The following MAP3K4 variants were observed in gnomAD, a reference collection of about 807,000 sequenced individuals.
MAP3K4 encodes MAP three kinase 1.
Under a neutral mutation model 185.6 loss-of-function variants are expected in MAP3K4, and 67 were observed. The observed-to-expected ratio is 0.36, with a 90% CI of 0.30 to 0.44. The LOEUF (loss-of-function observed/expected upper bound fraction) is 0.44, where lower values mean the gene tolerates loss of function less well. Ranked by LOEUF, MAP3K4 falls within the 20% of genes least tolerant of loss-of-function variation. The pLI, the probability that MAP3K4 is intolerant of heterozygous loss-of-function variation, is 1.00. For synonymous variants in MAP3K4, 702 were observed against 710.4 expected, an observed-to-expected ratio of 0.99 and a Z score of 0.19; for missense variants, 1,551 against 1,995.1, an observed-to-expected ratio of 0.78 and a Z score of 4.24.
At chr6:161,031,220 G>A (rs1028266944) in intron 1 of MAP3K4, among the ~76,000 whole-genome samples, 18 of 152,106 alleles carry the variant, frequency 1.2e-4, no homozygotes, top group South Asian at 2.1e-4. Flanking sequence ...AATGCAGATC[G>A]GAAAACAAGG....
chr6:160,993,261 C>T (rs1400703172), intron 1 of MAP3K4, among the ~76,000 whole-genome samples: 1 of 151,832 alleles, frequency 6.6e-6, no homozygotes, highest in African/African-American at 2.4e-5. Flanking sequence ...AATGAGAATT[C>T]CTTTGGTTCC....
At chr6:161,028,292 CTAAAT>C (rs75964506) in intron 1 of MAP3K4, among the ~76,000 whole-genome samples, 10,660 of 152,160 alleles carry the variant, frequency 0.07, 603 homozygotes, top group East Asian at 0.34. Context: ...GATAAGACTT[CTAAAT>C]TAAAGTGTTT....
At position 161,107,505 on chromosome 6, in the gene MAP3K4, C is replaced by T. The variant is rs1343466615; in HGVS notation, c.4049-394C>T. The stretch of plus-strand genomic sequence containing the variant: ...CTCCCACACACTCCTGGACATGTGC[C>T]AGTGAGGAAGACAATGGTCAGGCTT... On this transcript the variant is annotated intron_variant, in intron 20 of 26. Transcript: ENST00000392142. The surrounding 1 kb of genome is among the most constrained non-coding windows in gnomAD (Gnocchi z 6.2). 6.6e-6 allele frequency among the ~76,000 whole-genome samples: 1 copy of T among 152,146 alleles called. No individual in the cohort carries two copies. Among genetic ancestry groups the T allele is most frequent in the Non-Finnish European group, 1.5e-5 (1 of 68,026 alleles).
intron 1 of MAP3K4, among the ~76,000 whole-genome samples, chr6:161,018,375 G>T (rs682110): frequency 0.093 from 14,095 of 152,232 alleles, 834 homozygotes; most frequent in Non-Finnish European, 0.13. Flanking sequence ...GCCCACACAG[G>T]GCTGGGAGGC....
At chr6:161,085,007 C>G (rs1035234715) in intron 7 of MAP3K4, among the ~76,000 whole-genome samples, 2 of 152,004 alleles carry the variant, frequency 1.3e-5, no homozygotes, top group Admixed American at 1.3e-4. Flanking sequence ...AACAGCTGGG[C>G]GTGGTGGCAC....
chr6:161,079,040 C>A (rs1785314481), intron 5 of MAP3K4, among the ~76,000 whole-genome samples: 1 of 151,538 alleles, frequency 6.6e-6, no homozygotes, highest in South Asian at 2.1e-4. Flanking sequence ...ATGGCAAAAC[C>A]CCGTCTCTAC....
chr6:161,072,336 C>T (rs1169525687), intron 4 of MAP3K4, among the ~76,000 whole-genome samples: 1 of 152,194 alleles, frequency 6.6e-6, no homozygotes, highest in African/African-American at 2.4e-5. Flanking sequence ...GTTATTCTGA[C>T]ATTCAGAGAT....
chr6:161,072,616 T>G (rs1448111407), intron 4 of MAP3K4, among the ~76,000 whole-genome samples: 1 of 152,236 alleles, frequency 6.6e-6, no homozygotes, highest in Non-Finnish European at 1.5e-5. Flanking sequence ...GTGTAAAACA[T>G]AATAGTATAT....
chr6:161,063,853 T>C lies in MAP3K4; in HGVS notation c.1708-6755T>C, dbSNP rs550361772. On this transcript the variant is annotated intron_variant, in intron 3 of 26. Coordinates refer to ENST00000392142, the MANE Select transcript of MAP3K4 (RefSeq NM_005922.4). The surrounding 1 kb of genome is among the most constrained non-coding windows in gnomAD (Gnocchi z 5.4). ...CATCATGACTTGGGAATTGCCTCTT[T>C]ACGCCCTTCAGACACCCTGTTAATT... Among the ~76,000 whole-genome samples the C allele has an allele frequency of 1.5e-3, 227 of 152,310 alleles. No individual in the cohort carries two copies. The highest frequency in any genetic ancestry group is 3.4e-3 in the Middle Eastern group (1 of 294).
In MAP3K4 at chr6:161,103,695, G is replaced by A. The variant is rs1777929472; in HGVS notation, c.3856+916G>A. Among the ~76,000 whole-genome samples the A allele has an allele frequency of 6.6e-6, 1 of 152,242 alleles. No individual in the cohort carries two copies. Among genetic ancestry groups the A allele is most frequent in the Non-Finnish European group, 1.5e-5 (1 of 68,048 alleles). ...CCCCAGAGGCTCTTGAGCAGCTGGT[G>A]TGTTTGGGATGTGGGAGGCTGGGGA... is the stretch of plus-strand genomic sequence containing the variant. On this transcript the variant is annotated intron_variant, in intron 19 of 26. Coordinates refer to ENST00000392142, the MANE Select transcript of MAP3K4 (RefSeq NM_005922.4). This position sits in a 1 kb window ranked among gnomAD's most constrained non-coding sequence, Gnocchi z 4.6.
At chr6:161,044,953 A>AG (rs1783655156) in intron 2 of MAP3K4, among the ~76,000 whole-genome samples, 1 of 152,118 alleles carries the variant, frequency 6.6e-6, no homozygotes, top group Admixed American at 6.5e-5. Flanking sequence ...ATCTCTCATC[A>AG]GGCCCCACTT....
chr6:161,049,517 C>T lies in MAP3K4; in HGVS notation c.1245C>T (p.Gly415=). The T allele has an allele frequency of 6.2e-7, 1 of 1,614,104 alleles. No individual in the cohort carries two copies. Among genetic ancestry groups the T allele is most frequent in the South Asian group, 1.1e-5 (1 of 91,084 alleles). ...QKLRIMGTVL[G]IKNLSDIGWP... ...TAAGGATTATGGGCACTGTTTTGGG[C>T]ATCAAGAATTTATCAGACATTGGCT... The change falls in exon 3 of 27, where the codon GGC becomes GGT. Residue 415 remains glycine (G), a synonymous_variant. Coordinates refer to ENST00000392142, the MANE Select transcript of MAP3K4 (RefSeq NM_005922.4). This position sits in a 1 kb window ranked among gnomAD's most constrained non-coding sequence, Gnocchi z 8.4.
At chr6:161,081,085 C>T in intron 6 of MAP3K4, 47 bp downstream of exon 6, 1 of 1,584,668 alleles carries the variant, frequency 6.3e-7, no homozygotes, top group Non-Finnish European at 8.6e-7. Flanking sequence ...CCTTCTCACT[C>T]TCACACCATT....
At chr6:161,010,684 C>T (rs1026322211) in intron 1 of MAP3K4, among the ~76,000 whole-genome samples, 1 of 152,076 alleles carries the variant, frequency 6.6e-6, no homozygotes, top group Non-Finnish European at 1.5e-5. Context: ...ATGACTAACC[C>T]CTGTTAAATA....
Position 161,064,510 on chromosome 6 carries a change from G to A in MAP3K4, c.1708-6098G>A, listed in dbSNP as rs1188869656. On this transcript the variant is annotated intron_variant, in intron 3 of 26. Transcript: ENST00000392142. The surrounding 1 kb of genome is among the most constrained non-coding windows in gnomAD (Gnocchi z 4.3). ...TGGGTATGTTTCTGTGTTCTGATCT[G>A]TTTATTACTGTGCAGGCTTATTCTA... Among the ~76,000 whole-genome samples the A allele has an allele frequency of 6.6e-6, 1 of 151,328 alleles. No individual in the cohort carries two copies. The highest frequency in any genetic ancestry group is 1.5e-5 in the Non-Finnish European group (1 of 67,892).
In MAP3K4 at chr6:161,071,176, A is replaced by G. The variant is rs1025123505; in HGVS notation, c.1950+326A>G. On this transcript the variant is annotated intron_variant, in intron 4 of 26. Transcript: ENST00000392142. The surrounding 1 kb of genome is among the most constrained non-coding windows in gnomAD (Gnocchi z 4.6). The stretch of plus-strand genomic sequence containing the variant: ...ATTCTTAAATTTATTTATTTTTTCT[A>G]TTTGAAGTACATGTAAACAGATAAA... Among the ~76,000 whole-genome samples the G allele has an allele frequency of 4.6e-5, 7 of 152,250 alleles. No individual in the cohort carries two copies. Among genetic ancestry groups the G allele is most frequent in the South Asian group, 2.1e-4 (1 of 4,818 alleles).
In MAP3K4 at chr6:161,097,234, A is replaced by G. The variant is rs1777613454; in HGVS notation, c.3524+58A>G. Reference sequence around the variant, plus strand: ...AGAGTGCCCTCCGATATGCATGCTCATACTTTTGAAACTACTAGATGCTTG... The same window carrying G: ...AGAGTGCCCTCCGATATGCATGCTCGTACTTTTGAAACTACTAGATGCTTG... On this transcript the variant is annotated intron_variant, in intron 16 of 26. Transcript: ENST00000392142. The surrounding 1 kb of genome is among the most constrained non-coding windows in gnomAD (Gnocchi z 4.9). The G allele has an allele frequency of 7.0e-7, 1 of 1,420,918 alleles. No individual in the cohort carries two copies. The highest frequency in any genetic ancestry group is 2.3e-5 in the East Asian group (1 of 43,778). The allele number at this position is 1,420,918 out of a possible 1,614,324, so 88.0% of individuals were successfully genotyped here.
At position 161,097,594 on chromosome 6, in the gene MAP3K4, A is replaced by G. The variant is rs565626628; in HGVS notation, c.3524+418A>G. Among the ~76,000 whole-genome samples, 1 of 152,234 alleles carries G rather than the reference A, an allele frequency of 6.6e-6. No homozygotes were observed. Among genetic ancestry groups the G allele is most frequent in the African/African-American group, 2.4e-5 (1 of 41,472 alleles). On this transcript the variant is annotated intron_variant, in intron 16 of 26. Coordinates refer to ENST00000392142, the MANE Select transcript of MAP3K4 (RefSeq NM_005922.4). This position sits in a 1 kb window ranked among gnomAD's most constrained non-coding sequence, Gnocchi z 4.9. The stretch of plus-strand genomic sequence containing the variant: ...TTCCAGATTCAATTTTTATCTGCAT[A>G]TGTAATTACAAAGCAACTTAAACAC...
chr6:160,991,777 G>T lies in MAP3K4; in HGVS notation c.-155G>T, dbSNP rs541001091. The T allele has an allele frequency of 1.2e-6, 1 of 819,918 alleles. No individual in the cohort carries two copies. Among genetic ancestry groups the T allele is most frequent in the South Asian group, 2.7e-5 (1 of 37,416 alleles). The allele number at this position is 819,918 out of a possible 1,614,324, so 50.8% of individuals were successfully genotyped here. A position where few individuals can be genotyped will look rare whatever the true frequency, so the allele number is the denominator to read the frequency against. ...CCCACCGTAGCCCCGGCGCTCGGCC[G>T]GTCGCCGTTTCCAAGATGGCCGCGG... On this transcript the variant is annotated 5_prime_UTR_variant, in exon 1 of 27. Transcript: ENST00000392142. The surrounding 1 kb of genome is among the most constrained non-coding windows in gnomAD (Gnocchi z 5.7).
Sources: gnomAD v4.1 joint callset for allele counts (sites outside exome capture counted in the v4.1 genomes callset) on GRCh38, gnomAD v4.1.1 for gene constraint, Gnocchi (gnomAD v3.1) non-coding constraint, MANE v1.5 for transcripts, NCBI Gene and HGNC (gene_info 2026-07-23, HGNC 2026-07-21) for gene names.